Variants in YEATS2 observed in about 807,000 individuals in gnomAD.
YEATS2 encodes YEATS domain containing 2.
A neutral mutation model predicts 163.2 loss-of-function variants in YEATS2; 77 were observed. The observed-to-expected ratio is 0.47, with a 90% CI of 0.39 to 0.57. The LOEUF (loss-of-function observed/expected upper bound fraction) is 0.57, where lower values mean the gene tolerates loss of function less well. Among genes scored for constraint, YEATS2 ranks in the 20% least tolerant of loss-of-function variants. The pLI is 0.00. For synonymous variants in YEATS2, 631 were observed against 645.1 expected (o/e 0.98, Z 0.33); for missense variants, 1,549 against 1,729.8 (o/e 0.90, Z 1.85).
At chr3:183,786,647 TTCATATAAAGGGAG>T (rs373711249) in intron 20 of YEATS2, among the ~76,000 whole-genome samples, 1,975 of 152,282 alleles carry the variant, frequency 0.013, 38 homozygotes, top group African/African-American at 0.043. Context: ...TTTTAGACAT[TTCATATAAAGGGAG>T]TCATATAACA....
At chr3:183,751,208 T>TC (rs1229340429) in intron 9 of YEATS2, among the ~76,000 whole-genome samples, 1 of 152,208 alleles carries the variant, frequency 6.6e-6, no homozygotes, top group Non-Finnish European at 1.5e-5. Flanking sequence ...TACTGTCTTT[T>TC]CCCCCACTGA....
At chr3:183,794,854 A>G (rs1038091962) in intron 21 of YEATS2, among the ~76,000 whole-genome samples, 3 of 152,026 alleles carry the variant, frequency 2.0e-5, no homozygotes, top group Non-Finnish European at 4.4e-5. Flanking sequence ...TTTGACTTTG[A>G]CTCTGGGGGA....
intron 17 of YEATS2, among the ~76,000 whole-genome samples, chr3:183,774,611 G>A (rs1560299308): frequency 6.6e-6 from 1 of 152,172 alleles, no homozygotes; most frequent in South Asian, 2.1e-4. Context: ...CAGTTTATCT[G>A]CAGTTAAAGA....
At chr3:183,757,258 C>T (rs1175353427) in intron 12 of YEATS2, among the ~76,000 whole-genome samples, 1 of 151,798 alleles carries the variant, frequency 6.6e-6, no homozygotes, top group Non-Finnish European at 1.5e-5. Context: ...TTATTTATTC[C>T]CTTCAGTTAA....
intron 20 of YEATS2, 84 bp downstream of exon 20, chr3:183,786,385 G>A: frequency 7.5e-7 from 1 of 1,336,486 alleles, no homozygotes; most frequent in South Asian, 1.5e-5. Context: ...AGGCACACCA[G>A]TGGACCTTTT....
intron 8 of YEATS2, among the ~76,000 whole-genome samples, chr3:183,746,674 A>G (rs1257459276): frequency 1.0e-5 from 1 of 99,370 alleles, no homozygotes; most frequent in African/African-American, 3.7e-5. Flanking sequence ...TTTTTTTTTT[A>G]GCAGTCATAC....
At chr3:183,790,400 AGATGTTTGTTCAATGAAGTG>A (rs11269395) in intron 20 of YEATS2, among the ~76,000 whole-genome samples, 70,176 of 151,970 alleles carry the variant, frequency 0.46, 16,566 homozygotes, top group East Asian at 0.65. Context: ...GACAGACTGT[AGATGTTTGTTCAATGAAGTG>A]AATCATTGTC....
chr3:183,718,985 A>G (rs4912467), intron 4 of YEATS2, among the ~76,000 whole-genome samples: 6,771 of 151,818 alleles, frequency 0.045, 388 homozygotes, highest in East Asian at 0.15. Flanking sequence ...ATGAGCCACC[A>G]TGCCTGGCCT....
At chr3:183,744,801 T>G (rs1021586165) in intron 8 of YEATS2, among the ~76,000 whole-genome samples, 5 of 152,148 alleles carry the variant, frequency 3.3e-5, no homozygotes, top group African/African-American at 1.2e-4. Context: ...CATCATTCTT[T>G]CTTCATAATC....
chr3:183,777,695 A>G lies in YEATS2; in HGVS notation c.2731A>G (p.Thr911Ala), dbSNP rs769862977. 6.2e-6 allele frequency: 10 copies of G among 1,614,050 alleles called. No homozygotes were observed. The highest frequency in any genetic ancestry group is 1.3e-5 in the African/African-American group (1 of 74,940). ...VISGQKTTLF[T>A]QAAHGGQASL... ...CTCTGGACAGAAAACCACATTGTTT[A>G]CACAGGTAAATACGCCCATGCACAC... The change falls in exon 19 of 31, where the codon ACA becomes GCA. Residue 911 changes from threonine to alanine, a missense_variant. Thr to Ala is a moderately conservative substitution (Grantham distance 58, BLOSUM62 0). Coordinates refer to ENST00000305135, the MANE Select transcript of YEATS2 (RefSeq NM_018023.5).
At chr3:183,790,068 A>G (rs1724463242) in intron 20 of YEATS2, among the ~76,000 whole-genome samples, 1 of 152,164 alleles carries the variant, frequency 6.6e-6, no homozygotes. Flanking sequence ...CTTCTTGAAC[A>G]TACAATGTTC....
chr3:183,782,864 G>A (rs1723711484), intron 19 of YEATS2, among the ~76,000 whole-genome samples: 1 of 152,130 alleles, frequency 6.6e-6, no homozygotes, highest in African/African-American at 2.4e-5. Flanking sequence ...CTGCAGAACA[G>A]CCTGATCATA....
intron 1 of YEATS2, among the ~76,000 whole-genome samples, chr3:183,701,010 C>T (rs1211196546): frequency 6.6e-6 from 1 of 150,954 alleles, no homozygotes; most frequent in Non-Finnish European, 1.5e-5. Context: ...ATACTGAAAT[C>T]CACTGAATTG....
chr3:183,748,171 G>T (rs1282431722), intron 9 of YEATS2, among the ~76,000 whole-genome samples: 1 of 151,186 alleles, frequency 6.6e-6, no homozygotes, highest in African/African-American at 2.4e-5. Flanking sequence ...GAAACTTGTG[G>T]CTCCTCTCCC....
intron 8 of YEATS2, among the ~76,000 whole-genome samples, chr3:183,743,430 C>G (rs1166975132): frequency 6.6e-6 from 1 of 152,132 alleles, no homozygotes; most frequent in African/African-American, 2.4e-5. Flanking sequence ...TCCTTGACCT[C>G]CCCCGGCTCA....
intron 1 of YEATS2, among the ~76,000 whole-genome samples, chr3:183,707,185 G>A (rs1002827653): frequency 9.2e-5 from 14 of 152,120 alleles, no homozygotes; most frequent in African/African-American, 3.1e-4. Context: ...TACTCAACCT[G>A]AATAAAATAT....
chr3:183,740,656 T>C (rs113142925), intron 8 of YEATS2, among the ~76,000 whole-genome samples: 35 of 152,330 alleles, frequency 2.3e-4, no homozygotes, highest in African/African-American at 7.7e-4. Flanking sequence ...AGCTAGCAGA[T>C]GTTGGTTCGT....
At chr3:183,721,500 T>A (rs1716485695) in intron 4 of YEATS2, among the ~76,000 whole-genome samples, 1 of 152,236 alleles carries the variant, frequency 6.6e-6, no homozygotes, top group African/African-American at 2.4e-5. Flanking sequence ...GGGGACCATT[T>A]TATATATACA....
Position 183,721,930 on chromosome 3 carries a change from G to A in YEATS2, c.331G>A (p.Ala111Thr). Reference sequence around the variant, plus strand: ...TGATACAATGGTTTTTAATCATCCTGCTATCAAGAAATTTTTGGAATCACC... The same window carrying A: ...TGATACAATGGTTTTTAATCATCCTACTATCAAGAAATTTTTGGAATCACC... ...TCDTMVFNHPAIKKFLESPSR... is the reference protein window; with the variant it reads ...TCDTMVFNHPTIKKFLESPSR... The change falls in exon 5 of 31, where the codon GCT becomes ACT. Residue 111 changes from alanine (A) to threonine (T), a missense_variant. By Grantham distance (58) the Ala-to-Thr change is moderately conservative. Coordinates refer to ENST00000305135, the MANE Select transcript of YEATS2 (RefSeq NM_018023.5). 6.2e-7 allele frequency: 1 copy of A among 1,614,144 alleles called. No homozygotes were observed.
Sources: allele counts gnomAD v4.1 joint callset (sites outside exome capture counted in the v4.1 genomes callset), GRCh38; gene constraint gnomAD v4.1.1; transcripts MANE v1.5; gene names NCBI Gene and HGNC (gene_info 2026-07-23, HGNC 2026-07-21).